The following NCAM2 variants were observed in gnomAD, a reference collection of about 807,000 sequenced individuals.
NCAM2 encodes the protein N-CAM-2.
NCAM2 carries 30 observed loss-of-function variants against 98.1 expected under a neutral mutation model. That is an observed-to-expected ratio of 0.31 (90% confidence interval 0.23 to 0.41). NCAM2 has a LOEUF of 0.41. NCAM2 is among the 10% of genes least tolerant of loss of function. The pLI, the probability that NCAM2 is intolerant of heterozygous loss-of-function variation, is 1.00. For synonymous variants in NCAM2, 368 were observed against 342.4 expected (o/e 1.07, Z -0.83); for missense variants, 867 against 1,005.8 (o/e 0.86, Z 1.87).
At chr21:21,230,993 G>A (rs1201473274) in intron 1 of NCAM2, among the ~76,000 whole-genome samples, 2 of 151,280 alleles carry the variant, frequency 1.3e-5, no homozygotes, top group African/African-American at 4.8e-5. Context: ...TATTTCCGAG[G>A]ACATTACTCC....
At position 21,494,655 on chromosome 21, in the gene NCAM2, A is replaced by G. The variant is rs140309238; in HGVS notation, c.2078-14196A>G. On this transcript the variant is annotated intron_variant, in intron 15 of 17. Coordinates refer to ENST00000400546, the MANE Select transcript of NCAM2 (RefSeq NM_004540.5). ...AGAAGAGGTTCAACTGGATAGTTAA[A>G]GAACACAAAAGATATTTTATATGTG... Among the ~76,000 whole-genome samples, 415 of 152,052 alleles carry G rather than the reference A, an allele frequency of 2.7e-3. 2 individuals are homozygous for G. Among genetic ancestry groups the G allele is most frequent in the African/African-American group, 9.4e-3 (390 of 41,540 alleles).
At chr21:21,165,800 A>T (rs1358880324) in intron 1 of NCAM2, among the ~76,000 whole-genome samples, 1 of 152,218 alleles carries the variant, frequency 6.6e-6, no homozygotes, top group African/African-American at 2.4e-5. Flanking sequence ...TTCCCAAATG[A>T]ATTGGCCCTT....
intron 1 of NCAM2, among the ~76,000 whole-genome samples, chr21:21,157,063 C>CT (rs1465698844): frequency 1.3e-5 from 2 of 150,808 alleles, no homozygotes; most frequent in East Asian, 1.9e-4. Context: ...TTTTTTTTCA[C>CT]TTTTTTCTAA....
chr21:21,090,005 T>TG (rs1318535264), intron 1 of NCAM2, among the ~76,000 whole-genome samples: 1 of 152,090 alleles, frequency 6.6e-6, no homozygotes, highest in Admixed American at 6.5e-5. Context: ...ATGCAAGGAC[T>TG]GGGGGTGGGA....
chr21:21,472,524 A>G (rs778038252), intron 14 of NCAM2, among the ~76,000 whole-genome samples: 1 of 152,020 alleles, frequency 6.6e-6, no homozygotes, highest in Non-Finnish European at 1.5e-5. Context: ...CATTTTAGTA[A>G]TTTTTCTTTG....
intron 9 of NCAM2, among the ~76,000 whole-genome samples, chr21:21,390,517 C>G (rs2076358570): frequency 6.6e-6 from 1 of 152,094 alleles, no homozygotes; most frequent in Non-Finnish European, 1.5e-5. Flanking sequence ...GAGACTATTG[C>G]AAGACATCAA....
chr21:21,063,787 T>G (rs924317775), intron 1 of NCAM2, among the ~76,000 whole-genome samples: 1 of 152,200 alleles, frequency 6.6e-6, no homozygotes, highest in Non-Finnish European at 1.5e-5. Flanking sequence ...TACTTGATTT[T>G]TTTTCTCTAT....
chr21:21,199,325 C>T (rs1017101354), intron 1 of NCAM2, among the ~76,000 whole-genome samples: 3 of 152,186 alleles, frequency 2.0e-5, no homozygotes, highest in Non-Finnish European at 4.4e-5. Context: ...CCCAAACATA[C>T]ATATGCAAAC....
chr21:21,130,649 G>T (rs948391873), intron 1 of NCAM2, among the ~76,000 whole-genome samples: 2 of 152,042 alleles, frequency 1.3e-5, no homozygotes, highest in Non-Finnish European at 2.9e-5. Context: ...AAACATCTTT[G>T]CCAAATGTCA....
At chr21:21,108,054 G>A (rs1231041801) in intron 1 of NCAM2, among the ~76,000 whole-genome samples, 1 of 151,884 alleles carries the variant, frequency 6.6e-6, no homozygotes, top group Non-Finnish European at 1.5e-5. Flanking sequence ...TAAAGTAAAA[G>A]CAGCTGCAAT....
intron 5 of NCAM2, among the ~76,000 whole-genome samples, chr21:21,316,117 G>A (rs200202668): frequency 6.6e-6 from 1 of 152,092 alleles, no homozygotes; most frequent in Non-Finnish European, 1.5e-5. Context: ...CCTTTTGAAA[G>A]CTGTGTATTT....
intron 1 of NCAM2, among the ~76,000 whole-genome samples, chr21:21,054,157 A>C (rs546733924): frequency 6.6e-6 from 1 of 152,002 alleles, no homozygotes; most frequent in Admixed American, 6.6e-5. Flanking sequence ...TACCCAGTCA[A>C]CAGTCATTGC....
At chr21:21,398,039 G>C (rs2076551731) in intron 9 of NCAM2, among the ~76,000 whole-genome samples, 1 of 152,220 alleles carries the variant, frequency 6.6e-6, no homozygotes, top group South Asian at 2.1e-4. Context: ...TAATCAATGA[G>C]TGGATAAAGA....
intron 1 of NCAM2, among the ~76,000 whole-genome samples, chr21:21,088,106 G>C (rs938359652): frequency 6.6e-6 from 1 of 152,070 alleles, no homozygotes; most frequent in African/African-American, 2.4e-5. Flanking sequence ...ATTAAATAAT[G>C]ATAAAATGCT....
chr21:21,284,308 A>G lies in NCAM2; in HGVS notation c.245A>G (p.Asn82Ser), dbSNP rs761739899. The G allele has an allele frequency of 1.5e-5, 24 of 1,612,334 alleles. No homozygotes were observed. In the East Asian group the frequency reaches 2.0e-4, roughly 14 times the overall value. ...EGVRSRLTIY[N>S]ANIEDAGIYR... ...GTTAGGTCACGGTTAACCATCTACA[A>G]TGCAAATATAGAAGATGCAGGGATA... The change falls in exon 3 of 18, where the codon AAT becomes AGT. Residue 82 changes from asparagine (N) to serine (S), a missense_variant. Physicochemically the swap from Asn to Ser is conservative, Grantham distance 46 (BLOSUM62 1). Around this residue, in one of 5 missense-constraint regions of NCAM2, gnomAD observed 447 missense variants for 495.7 expected, o/e 0.90. Coordinates refer to ENST00000400546, the MANE Select transcript of NCAM2 (RefSeq NM_004540.5).
At chr21:21,407,239 T>G (rs2076758086) in intron 9 of NCAM2, among the ~76,000 whole-genome samples, 2 of 152,268 alleles carry the variant, frequency 1.3e-5, no homozygotes, top group African/African-American at 4.8e-5. Context: ...GCCTTGCTAC[T>G]GTATTGATAT....
intron 1 of NCAM2, among the ~76,000 whole-genome samples, chr21:21,122,770 G>C (rs1346600452): frequency 1.3e-5 from 2 of 152,166 alleles, no homozygotes; most frequent in African/African-American, 2.4e-5. Context: ...GTGTCCATCA[G>C]AACTGAGCCA....
chr21:21,245,347 G>C (rs2071223376), intron 1 of NCAM2, among the ~76,000 whole-genome samples: 1 of 152,118 alleles, frequency 6.6e-6, no homozygotes, highest in Admixed American at 6.5e-5. Flanking sequence ...ATGTTCATAT[G>C]TGAGTGATTG....
intron 6 of NCAM2, among the ~76,000 whole-genome samples, chr21:21,327,656 C>T (rs1601989409): frequency 6.6e-6 from 1 of 152,058 alleles, no homozygotes; most frequent in African/African-American, 2.4e-5. Flanking sequence ...AAAACTTCAG[C>T]CAACCAAACA....
Sources: allele counts gnomAD v4.1 joint callset (sites outside exome capture counted in the v4.1 genomes callset), GRCh38; gene constraint gnomAD v4.1.1; regional missense constraint gnomAD v4.1.1; transcripts MANE v1.5; gene names NCBI Gene and HGNC (gene_info 2026-07-23, HGNC 2026-07-21).